Variants in PDE4B observed in about 807,000 individuals in gnomAD.
The protein encoded by PDE4B is phosphodiesterase 4B.
A neutral mutation model predicts 82.2 loss-of-function variants in PDE4B; 20 were observed. The ratio of observed to expected loss-of-function variants is 0.24; its 90% CI spans 0.17 to 0.35. The LOEUF (loss-of-function observed/expected upper bound fraction) is 0.35. Among genes scored for constraint, PDE4B ranks in the 10% least tolerant of loss-of-function variants. The pLI, the probability that PDE4B is intolerant of heterozygous loss-of-function variation, is 1.00. For missense variants in PDE4B, 655 were observed against 907.2 expected, an observed-to-expected ratio of 0.72 and a Z score of 3.57; for synonymous variants, 320 against 318.9, an observed-to-expected ratio of 1.00 and a Z score of -0.04.
At chr1:66,236,280 A>G (rs1652442731) in intron 3 of PDE4B, among the ~76,000 whole-genome samples, 1 of 152,180 alleles carries the variant, frequency 6.6e-6, no homozygotes, top group African/African-American at 2.4e-5. Context: ...TCTAGCTGTA[A>G]GAATCTTCAG....
intron 7 of PDE4B, among the ~76,000 whole-genome samples, chr1:66,292,483 C>T (rs188256936): frequency 2.6e-5 from 4 of 152,272 alleles, no homozygotes. Flanking sequence ...TAAATCACAG[C>T]TTTGCTACTT....
intron 7 of PDE4B, among the ~76,000 whole-genome samples, chr1:66,281,074 G>T (rs1656269063): frequency 1.3e-5 from 2 of 152,162 alleles, no homozygotes; most frequent in Admixed American, 6.5e-5. Flanking sequence ...GCAGTTTCCT[G>T]CTCACTCTTA....
chr1:66,063,867 C>G (rs942569431), intron 3 of PDE4B, among the ~76,000 whole-genome samples: 2 of 151,838 alleles, frequency 1.3e-5, no homozygotes, highest in Non-Finnish European at 1.5e-5. Flanking sequence ...ATGGAAGGTA[C>G]TTTTGCATAA....
At chr1:65,881,378 G>A (rs928313103) in intron 1 of PDE4B, among the ~76,000 whole-genome samples, 2 of 152,116 alleles carry the variant, frequency 1.3e-5, no homozygotes, top group Non-Finnish European at 2.9e-5. Context: ...GCAGCCATGG[G>A]GTTCATTGTG....
rs547648629 is a variant in PDE4B at position 65,813,046 on chromosome 1, C to T, written c.-71+19798C>T. On this transcript the variant is annotated intron_variant, in intron 1 of 16. Transcript: ENST00000341517. ...ATGTTGGGAGATACTAAAACTGGAA[C>T]GAGATTGGGAACAGGCAGAGAGTTA... Among the ~76,000 whole-genome samples, 9 of 152,146 alleles carry T rather than the reference C, an allele frequency of 5.9e-5. No individual in the cohort carries two copies. The South Asian group carries it at 8.3e-4, about 14-fold the overall frequency.
At chr1:66,201,303 T>C (rs970969630) in intron 3 of PDE4B, among the ~76,000 whole-genome samples, 2 of 152,196 alleles carry the variant, frequency 1.3e-5, no homozygotes, top group Non-Finnish European at 2.9e-5. Context: ...TGGTCTAAAA[T>C]TCTCTTTTTT....
chr1:66,349,194 T>G (rs1661637196), intron 8 of PDE4B, among the ~76,000 whole-genome samples: 1 of 152,186 alleles, frequency 6.6e-6, no homozygotes. Flanking sequence ...ATGAAGGCAT[T>G]AATGGTTTTT....
At chr1:65,955,459 T>C (rs1263033928) in intron 3 of PDE4B, among the ~76,000 whole-genome samples, 1 of 152,052 alleles carries the variant, frequency 6.6e-6, no homozygotes, top group African/African-American at 2.4e-5. Context: ...AGCATAGAAA[T>C]AGTAATAGAA....
intron 1 of PDE4B, among the ~76,000 whole-genome samples, chr1:65,874,547 A>G (rs1468658460): frequency 1.3e-5 from 2 of 152,190 alleles, no homozygotes; most frequent in Non-Finnish European, 2.9e-5. Flanking sequence ...TTCAAACTCT[A>G]CTACAAGGCT....
intron 3 of PDE4B, among the ~76,000 whole-genome samples, chr1:66,146,403 T>G (rs955874361): frequency 6.6e-6 from 1 of 152,032 alleles, no homozygotes; most frequent in African/African-American, 2.4e-5. Context: ...CAGGATGGTC[T>G]CAAATCTCCT....
At chr1:66,023,391 T>A (rs370290573) in intron 3 of PDE4B, among the ~76,000 whole-genome samples, 1 of 152,302 alleles carries the variant, frequency 6.6e-6, no homozygotes, top group East Asian at 1.9e-4. Flanking sequence ...ACACTTTGTC[T>A]CCAGGGGAAA....
chr1:65,808,366 T>C lies in PDE4B; in HGVS notation c.-71+15118T>C, dbSNP rs892984389. On this transcript the variant is annotated intron_variant, in intron 1 of 16. Transcript: ENST00000341517. ...TAAAGAAATTGTAGAGACAGGGTCT[T>C]GCTACGTTGCCCAGGCTGGTCTTGA... Among the ~76,000 whole-genome samples the C allele has an allele frequency of 2.6e-5, 4 of 152,036 alleles. No homozygotes were observed. In the East Asian group the frequency reaches 5.8e-4, roughly 22 times the overall value.
chr1:66,071,717 C>T (rs2100929087), intron 3 of PDE4B, among the ~76,000 whole-genome samples: 2 of 152,114 alleles, frequency 1.3e-5, no homozygotes, highest in Middle Eastern at 6.8e-3. Context: ...GGACAGCTTC[C>T]CTGTTATGAC....
intron 4 of PDE4B, among the ~76,000 whole-genome samples, chr1:66,247,879 T>A (rs1337371321): frequency 6.6e-6 from 1 of 152,182 alleles, no homozygotes; most frequent in Admixed American, 6.5e-5. Context: ...AGACACAGTG[T>A]TTACTTTACA....
At chr1:66,303,380 C>T (rs927381438) in intron 7 of PDE4B, among the ~76,000 whole-genome samples, 1 of 151,242 alleles carries the variant, frequency 6.6e-6, no homozygotes, top group African/African-American at 2.4e-5. Flanking sequence ...TACACACACA[C>T]AGTGAAATGA....
intron 3 of PDE4B, among the ~76,000 whole-genome samples, chr1:65,924,077 A>ATTTTTTTTTTTTTT (rs71058436): frequency 0.042 from 1,718 of 40,706 alleles, 657 homozygotes; most frequent in Middle Eastern, 0.22. Flanking sequence ...CAGTTTGCTA[A>ATTTTTTTTTTTTTT]TTTTTTTTTT....
chr1:66,054,995 G>C (rs1306481685), intron 3 of PDE4B, among the ~76,000 whole-genome samples: 3 of 152,184 alleles, frequency 2.0e-5, no homozygotes, highest in Non-Finnish European at 4.4e-5. Context: ...CTTTATAGAG[G>C]TGATATTAGT....
chr1:66,243,836 G>C (rs1653082212), intron 3 of PDE4B, among the ~76,000 whole-genome samples: 1 of 152,230 alleles, frequency 6.6e-6, no homozygotes, highest in Non-Finnish European at 1.5e-5. Context: ...GCAGATCCAA[G>C]TGAGCAGGCA....
At chr1:66,320,373 A>G (rs1466682426) in intron 7 of PDE4B, among the ~76,000 whole-genome samples, 1 of 152,210 alleles carries the variant, frequency 6.6e-6, no homozygotes. Flanking sequence ...AGTGCTATTG[A>G]GAGGCAAAAT....
Sources: allele counts gnomAD v4.1 joint callset (sites outside exome capture counted in the v4.1 genomes callset), GRCh38; gene constraint gnomAD v4.1.1; transcripts MANE v1.5; gene names NCBI Gene and HGNC (gene_info 2026-07-23, HGNC 2026-07-21).